ATXN10: variants seen among roughly 807,000 people sequenced by gnomAD.
ATXN10 encodes ataxin 10.
ATXN10 carries 28 observed loss-of-function variants against 52.9 expected under a neutral mutation model. The observed-to-expected ratio is 0.53, with a 90% CI of 0.39 to 0.73. The LOEUF is 0.73. Ranked by LOEUF, ATXN10 falls within the 30% of genes least tolerant of loss-of-function variation. The probability of loss-of-function intolerance (pLI) is 0.00; values close to 1 mark genes in which losing one functional copy is unlikely to be tolerated. For missense variants in ATXN10, 565 were observed against 577.0 expected (o/e 0.98, Z 0.21); for synonymous variants, 226 against 221.5 (o/e 1.02, Z -0.18).
At chr22:45,734,425 T>C (rs771461377) in intron 7 of ATXN10, 2 of 254,892 alleles carry the variant, frequency 7.8e-6, no homozygotes. Context: ...ATTGTTTACG[T>C]AATTTTTGTT....
chr22:45,779,682 C>A (rs1927078364), intron 9 of ATXN10, among the ~76,000 whole-genome samples: 1 of 152,200 alleles, frequency 6.6e-6, no homozygotes, highest in South Asian at 2.1e-4. Context: ...GATCTGAAAG[C>A]ACAGATGCTG....
chr22:45,768,290 C>G (rs1926658410), intron 9 of ATXN10, among the ~76,000 whole-genome samples: 1 of 151,558 alleles, frequency 6.6e-6, no homozygotes, highest in African/African-American at 2.4e-5. Context: ...TATAGATGTA[C>G]AAGAAAGTTG....
rs1340703676 is a variant in ATXN10 at position 45,727,652 on chromosome 22, C to T, written c.729-1773C>T. ...CTGGGATTTCAGGTGTGAGCCACCA[C>T]ACCCAGCCAATATATTTTGATTTTT... On this transcript the variant is annotated intron_variant, in intron 6 of 11. Coordinates refer to ENST00000252934, the MANE Select transcript of ATXN10 (RefSeq NM_013236.4). This position sits in a 1 kb window ranked among gnomAD's most constrained non-coding sequence, Gnocchi z 4.6. Among the ~76,000 whole-genome samples, 1 of 152,156 alleles carries T rather than the reference C, an allele frequency of 6.6e-6. No individual in the cohort carries two copies. The highest frequency in any genetic ancestry group is 6.6e-5 in the Admixed American group (1 of 15,266).
Position 45,825,118 on chromosome 22 carries a change from G to C in ATXN10, c.1238-17873G>C, listed in dbSNP as rs1395248898. Among the ~76,000 whole-genome samples the C allele has an allele frequency of 2.0e-5, 3 of 152,224 alleles. No homozygotes were observed. Among genetic ancestry groups the C allele is most frequent in the Admixed American group, 2.0e-4 (3 of 15,288 alleles). ...CTTGCAAGCAGCTTGTGGGAGCCAGGTAGGGTGGGCCAAAAAGACCCTGAC... is the reference window on the plus strand; with the variant it reads ...CTTGCAAGCAGCTTGTGGGAGCCAGCTAGGGTGGGCCAAAAAGACCCTGAC... On this transcript the variant is annotated intron_variant, in intron 10 of 11. Transcript: ENST00000252934. This position sits in a 1 kb window ranked among gnomAD's most constrained non-coding sequence, Gnocchi z 4.5.
At position 45,774,518 on chromosome 22, in the gene ATXN10, C is replaced by T. The variant is rs1334680986; in HGVS notation, c.1174-32441C>T. On this transcript the variant is annotated intron_variant, in intron 9 of 11. Coordinates refer to ENST00000252934, the MANE Select transcript of ATXN10 (RefSeq NM_013236.4). The surrounding 1 kb of genome is among the most constrained non-coding windows in gnomAD (Gnocchi z 6.2). ...CTATTAGGAAATTCCAGATGTCCAC[C>T]TGACACCTCCCTGCCTCTCCAGTCC... 1.3e-5 allele frequency among the ~76,000 whole-genome samples: 2 copies of T among 152,236 alleles called. No individual in the cohort carries two copies. The highest frequency in any genetic ancestry group is 4.8e-5 in the African/African-American group (2 of 41,456).
chr22:45,709,872 T>A (rs1924178700), intron 5 of ATXN10, among the ~76,000 whole-genome samples: 1 of 152,172 alleles, frequency 6.6e-6, no homozygotes, highest in Non-Finnish European at 1.5e-5. Flanking sequence ...GTACCACCAT[T>A]TACTCGTTTG....
chr22:45,784,585 A>C lies in ATXN10; in HGVS notation c.1174-22374A>C, dbSNP rs1017314286. Among the ~76,000 whole-genome samples the C allele has an allele frequency of 6.6e-6, 1 of 152,098 alleles. No homozygotes were observed. Among genetic ancestry groups the C allele is most frequent in the African/African-American group, 2.4e-5 (1 of 41,414 alleles). Reference sequence around the variant, plus strand: ...TAGGCTGTCAGGAGGTGTGGATGGCAGGCACGGGAGAAGGGACAGGAGGCT... The same window carrying C: ...TAGGCTGTCAGGAGGTGTGGATGGCCGGCACGGGAGAAGGGACAGGAGGCT... On this transcript the variant is annotated intron_variant, in intron 9 of 11. Transcript: ENST00000252934. This position sits in a 1 kb window ranked among gnomAD's most constrained non-coding sequence, Gnocchi z 4.2.
intron 9 of ATXN10, among the ~76,000 whole-genome samples, chr22:45,801,436 C>T (rs1239386176): frequency 1.3e-5 from 2 of 152,172 alleles, no homozygotes; most frequent in Non-Finnish European, 2.9e-5. Context: ...GCATTGTGGA[C>T]AAAAGCAGCA....
At chr22:45,807,731 T>G (rs1928149036) in intron 10 of ATXN10, among the ~76,000 whole-genome samples, 1 of 152,212 alleles carries the variant, frequency 6.6e-6, no homozygotes, top group Non-Finnish European at 1.5e-5. Context: ...ACCTACTGTT[T>G]AATTTCACGA....
Position 45,681,403 on chromosome 22 carries a change from A to C in ATXN10, c.117-8309A>C, listed in dbSNP as rs1922916491. On this transcript the variant is annotated intron_variant, in intron 1 of 11. Coordinates refer to ENST00000252934, the MANE Select transcript of ATXN10 (RefSeq NM_013236.4). The surrounding 1 kb of genome is among the most constrained non-coding windows in gnomAD (Gnocchi z 4.2). ...TCTCTTTAGGGCCCTTGCTTCATCA[A>C]GTCTTTAACCTCACCAGGACCTACA... is the stretch of plus-strand genomic sequence containing the variant. 2.6e-5 allele frequency among the ~76,000 whole-genome samples: 4 copies of C among 152,068 alleles called. 1 individual carries two copies. In the South Asian group the frequency reaches 8.3e-4, roughly 32 times the overall value.
chr22:45,809,676 A>G (rs1161955169), intron 10 of ATXN10, among the ~76,000 whole-genome samples: 1 of 151,916 alleles, frequency 6.6e-6, no homozygotes, highest in African/African-American at 2.4e-5. Flanking sequence ...CATCTTCTGA[A>G]GTGTTTGCTA....
intron 2 of ATXN10, among the ~76,000 whole-genome samples, chr22:45,691,752 G>A (rs936857940): frequency 6.6e-6 from 1 of 152,204 alleles, no homozygotes. Flanking sequence ...AATTAGCTGG[G>A]TGTGGTGGCA....
chr22:45,841,258 C>T lies in ATXN10; in HGVS notation c.1238-1733C>T, dbSNP rs1165185354. Among the ~76,000 whole-genome samples, 1 of 152,208 alleles carries T rather than the reference C, an allele frequency of 6.6e-6. No individual in the cohort carries two copies. Among genetic ancestry groups the T allele is most frequent in the African/African-American group, 2.4e-5 (1 of 41,440 alleles). On this transcript the variant is annotated intron_variant, in intron 10 of 11. Coordinates refer to ENST00000252934, the MANE Select transcript of ATXN10 (RefSeq NM_013236.4). This position sits in a 1 kb window ranked among gnomAD's most constrained non-coding sequence, Gnocchi z 5.1. ...AAATGACACAATAAGAACTTTTTCC[C>T]CACCATAGACAGATGACTGATTATA... is the stretch of plus-strand genomic sequence containing the variant.
Position 45,688,247 on chromosome 22 carries a change from G to A in ATXN10, c.117-1465G>A, listed in dbSNP as rs1050227368. The stretch of plus-strand genomic sequence containing the variant: ...TCAAAGTTTCATTATTTACACTCAG[G>A]GCTGACTGGGGGAGACATAGACAAA... On this transcript the variant is annotated intron_variant, in intron 1 of 11. Transcript: ENST00000252934. The surrounding 1 kb of genome is among the most constrained non-coding windows in gnomAD (Gnocchi z 4.0). Among the ~76,000 whole-genome samples the A allele has an allele frequency of 6.6e-6, 1 of 152,068 alleles. No homozygotes were observed. The highest frequency in any genetic ancestry group is 2.4e-5 in the African/African-American group (1 of 41,382).
rs1003775194 is a variant in ATXN10 at position 45,733,968 on chromosome 22, G to A, written c.894+4378G>A. On this transcript the variant is annotated intron_variant, in intron 7 of 11. Coordinates refer to ENST00000252934, the MANE Select transcript of ATXN10 (RefSeq NM_013236.4). This position sits in a 1 kb window ranked among gnomAD's most constrained non-coding sequence, Gnocchi z 4.4. The stretch of plus-strand genomic sequence containing the variant: ...CTTGTACATCTTTGCACTTTAGCAT[G>A]TGTATATTCATTGTATGTTTTTAAT... Among the ~76,000 whole-genome samples, 1 of 151,790 alleles carries A rather than the reference G, an allele frequency of 6.6e-6. No homozygotes were observed. Among genetic ancestry groups the A allele is most frequent in the South Asian group, 2.1e-4 (1 of 4,820 alleles).
chr22:45,733,943 C>G lies in ATXN10; in HGVS notation c.894+4353C>G, dbSNP rs1013077334. 1.3e-5 allele frequency among the ~76,000 whole-genome samples: 2 copies of G among 151,526 alleles called. No individual in the cohort carries two copies. Among genetic ancestry groups the G allele is most frequent in the Admixed American group, 6.6e-5 (1 of 15,216 alleles). ...CTTGCTGTTTTTACTTATGATGTAA[C>G]TTGTACATCTTTGCACTTTAGCATG... is the stretch of plus-strand genomic sequence containing the variant. On this transcript the variant is annotated intron_variant, in intron 7 of 11. Coordinates refer to ENST00000252934, the MANE Select transcript of ATXN10 (RefSeq NM_013236.4). This position sits in a 1 kb window ranked among gnomAD's most constrained non-coding sequence, Gnocchi z 4.4.
At chr22:45,791,732 C>T (rs1165381439) in intron 9 of ATXN10, among the ~76,000 whole-genome samples, 1 of 152,002 alleles carries the variant, frequency 6.6e-6, no homozygotes, top group African/African-American at 2.4e-5. Context: ...GTTAAAAAGG[C>T]CTTTAATTTC....
rs1187396641 is a variant in ATXN10, at chr22:45,715,382, A to G, written c.648-3031A>G. On this transcript the variant is annotated intron_variant, in intron 5 of 11. Coordinates refer to ENST00000252934, the MANE Select transcript of ATXN10 (RefSeq NM_013236.4). The surrounding 1 kb of genome is among the most constrained non-coding windows in gnomAD (Gnocchi z 4.4). Reference sequence around the variant, plus strand: ...GCAGGACTCATAGACAAATATCAGTATAGACTGATGTTTTATACATTATAT... The same window carrying G: ...GCAGGACTCATAGACAAATATCAGTGTAGACTGATGTTTTATACATTATAT... Among the ~76,000 whole-genome samples the G allele has an allele frequency of 6.6e-6, 1 of 152,216 alleles. No homozygotes were observed. The highest frequency in any genetic ancestry group is 6.5e-5 in the Admixed American group (1 of 15,282).
chr22:45,798,011 T>G (rs944017129), intron 9 of ATXN10, among the ~76,000 whole-genome samples: 1 of 152,180 alleles, frequency 6.6e-6, no homozygotes, highest in Non-Finnish European at 1.5e-5. Flanking sequence ...GATAAATATT[T>G]TTAAAAATTA....
Sources: gnomAD v4.1 joint callset for allele counts (sites outside exome capture counted in the v4.1 genomes callset) on GRCh38, gnomAD v4.1.1 for gene constraint, Gnocchi (gnomAD v3.1) non-coding constraint, MANE v1.5 for transcripts, NCBI Gene and HGNC (gene_info 2026-07-23, HGNC 2026-07-21) for gene names.